VPS50: variants seen among roughly 807,000 people sequenced by gnomAD.
The protein encoded by VPS50 is syndetin.
Under a neutral mutation model 139.7 loss-of-function variants are expected in VPS50, and 70 were observed. The observed-to-expected ratio is 0.50, with a 90% CI of 0.41 to 0.61. The LOEUF (loss-of-function observed/expected upper bound fraction) is 0.61. Among genes scored for constraint, VPS50 ranks in the 20% least tolerant of loss-of-function variants. VPS50 has a pLI of 0.00. For missense variants in VPS50, 921 were observed against 1,133.7 expected (o/e 0.81, Z 2.69); for synonymous variants, 365 against 376.7 (o/e 0.97, Z 0.36).
At chr7:93,257,359 C>T (rs896168648) in intron 5 of VPS50, 35 bp from the exon 6 acceptor site, 7 of 1,264,602 alleles carry the variant, frequency 5.5e-6, no homozygotes, top group Non-Finnish European at 8.1e-6. Context: ...AAATAAAATA[C>T]CTCCAACAAT....
At chr7:93,334,731 T>G (rs1018289486) in intron 22 of VPS50, among the ~76,000 whole-genome samples, 1 of 152,216 alleles carries the variant, frequency 6.6e-6, no homozygotes, top group African/African-American at 2.4e-5. Flanking sequence ...GCCTGGTTCT[T>G]GACTGTTGTC....
At chr7:93,344,847 A>G (rs1457655036) in intron 23 of VPS50, among the ~76,000 whole-genome samples, 1 of 152,050 alleles carries the variant, frequency 6.6e-6, no homozygotes, top group Non-Finnish European at 1.5e-5. Context: ...AGGGAAATTT[A>G]TAGCACTAAA....
intron 9 of VPS50, among the ~76,000 whole-genome samples, chr7:93,268,770 G>A (rs973281992): frequency 5.3e-5 from 8 of 151,942 alleles, no homozygotes; most frequent in Admixed American, 3.3e-4. Context: ...CTATTCACAT[G>A]TCTTTGCTAT....
At chr7:93,309,812 C>A (rs1797214503) in intron 19 of VPS50, among the ~76,000 whole-genome samples, 1 of 151,848 alleles carries the variant, frequency 6.6e-6, no homozygotes, top group African/African-American at 2.4e-5. Context: ...GACTATCATA[C>A]ATTTAGTGAC....
chr7:93,357,367 C>T (rs1384174306), intron 27 of VPS50, among the ~76,000 whole-genome samples: 1 of 151,694 alleles, frequency 6.6e-6, no homozygotes, highest in African/African-American at 2.4e-5. Flanking sequence ...GTGACATTTC[C>T]CCAGCAGCAG....
intron 25 of VPS50, 134 bp from the exon 26 acceptor site, chr7:93,353,506 T>C: frequency 1.1e-6 from 1 of 944,732 alleles, no homozygotes; most frequent in South Asian, 1.7e-5. Flanking sequence ...AAATTATCTT[T>C]GGCATTATCT....
intron 21 of VPS50, among the ~76,000 whole-genome samples, chr7:93,327,530 G>GCATAT (rs1797817491): frequency 6.6e-6 from 1 of 151,984 alleles, no homozygotes; most frequent in African/African-American, 2.4e-5. Flanking sequence ...AAAATATATT[G>GCATAT]CATATTTGAT....
rs1198155107 is a variant in VPS50, at chr7:93,355,976, C to T, written c.2671C>T (p.Leu891=). The T allele has an allele frequency of 6.3e-7, 1 of 1,598,694 alleles. No individual in the cohort carries two copies. The highest frequency in any genetic ancestry group is 1.1e-5 in the South Asian group (1 of 89,876). The change falls in exon 27 of 28, where the codon CTA becomes TTA. Residue 891 remains leucine (L), a synonymous_variant. Transcript: ENST00000305866. ...FQQFLMKLEK[L]TDIRPIPDKE... is the part of the protein sequence containing the mutation. ...ACAGTTTTTAATGAAACTTGAAAAACTAACAGATATTAGACCCATTCCTGA... is the reference window on the plus strand; with the variant it reads ...ACAGTTTTTAATGAAACTTGAAAAATTAACAGATATTAGACCCATTCCTGA...
At chr7:93,255,614 CTAAA>C (rs1795462328) in intron 4 of VPS50, among the ~76,000 whole-genome samples, 2 of 152,142 alleles carry the variant, frequency 1.3e-5, no homozygotes. Flanking sequence ...TAATTAAAGT[CTAAA>C]AGCCATTTAA....
In VPS50 at chr7:93,323,742, C is replaced by T. The variant is rs538839553; in HGVS notation, c.1977+10C>T. The T allele has an allele frequency of 9.5e-6, 13 of 1,372,266 alleles. No individual in the cohort carries two copies. The South Asian group carries it at 1.2e-4, about 13-fold the overall frequency. 85.0% of individuals were successfully genotyped at this position (1,372,266 alleles called of 1,614,324 possible). A position where few individuals can be genotyped will look rare whatever the true frequency, so the allele number is the denominator to read the frequency against. On this transcript the variant is annotated intron_variant, in intron 21 of 27. Transcript: ENST00000305866. The stretch of plus-strand genomic sequence containing the variant: ...TGGTCGGAATGATTCAGTAAGTCCA[C>T]CTTTAGAGGGAAAAAAATCTTTCTT...
intron 2 of VPS50, among the ~76,000 whole-genome samples, chr7:93,247,031 A>G (rs1584383130): frequency 6.6e-6 from 1 of 151,948 alleles, no homozygotes; most frequent in Non-Finnish European, 1.5e-5. Context: ...CACTTTTCAT[A>G]AAGTTATATT....
intron 20 of VPS50, among the ~76,000 whole-genome samples, chr7:93,315,046 C>A (rs1797384424): frequency 6.6e-6 from 1 of 152,092 alleles, no homozygotes; most frequent in Non-Finnish European, 1.5e-5. Flanking sequence ...CTCCTGTTTT[C>A]TTCTGGAAAC....
chr7:93,348,849 T>A, intron 24 of VPS50, 42 bp downstream of exon 24: 1 of 1,289,428 alleles, frequency 7.8e-7, no homozygotes, highest in Non-Finnish European at 1.1e-6. Context: ...GTGAGGAAGA[T>A]AGGACTGTCA....
chr7:93,263,868 C>A (rs1436632892), intron 9 of VPS50, among the ~76,000 whole-genome samples: 2 of 151,776 alleles, frequency 1.3e-5, no homozygotes, highest in Non-Finnish European at 2.9e-5. Flanking sequence ...ACAAAAATAA[C>A]AATACAACAC....
chr7:93,282,032 G>A (rs1377117451), intron 12 of VPS50, among the ~76,000 whole-genome samples: 1 of 151,890 alleles, frequency 6.6e-6, no homozygotes, highest in Non-Finnish European at 1.5e-5. Flanking sequence ...GTGAAACCCT[G>A]TCTCTACTAA....
chr7:93,311,111 T>C (rs187477416), intron 19 of VPS50, 55 bp from the exon 20 acceptor site: 1 of 815,606 alleles, frequency 1.2e-6, no homozygotes, highest in Non-Finnish European at 2.2e-6. Flanking sequence ...CTGACTAACT[T>C]ATTGGTTTAT....
chr7:93,333,829 C>T (rs961716983), intron 21 of VPS50: 9 of 343,390 alleles, frequency 2.6e-5, no homozygotes, highest in Admixed American at 2.4e-4. Flanking sequence ...AGTTTTGCAA[C>T]TAAAAATAAT....
chr7:93,257,528 C>A, intron 6 of VPS50, 64 bp downstream of exon 6: 2 of 888,818 alleles, frequency 2.3e-6, no homozygotes, highest in Non-Finnish European at 3.6e-6. Context: ...ACTATGGAAT[C>A]TATAATTTAT....
chr7:93,326,926 T>TA (rs1644811253), intron 21 of VPS50, among the ~76,000 whole-genome samples: 1 of 152,148 alleles, frequency 6.6e-6, no homozygotes, highest in Non-Finnish European at 1.5e-5. Context: ...TTCTGAAAAA[T>TA]ATTACTTAGA....
Sources: allele counts gnomAD v4.1 joint callset (sites outside exome capture counted in the v4.1 genomes callset), GRCh38; gene constraint gnomAD v4.1.1; transcripts MANE v1.5; gene names NCBI Gene and HGNC (gene_info 2026-07-23, HGNC 2026-07-21).